The following WFIKKN2 variants were observed in gnomAD, a reference collection of about 807,000 sequenced individuals.
The protein encoded by WFIKKN2 is WAP, Kazal, immunoglobulin, Kunitz and NTR domain-containing protein 2.
WFIKKN2 carries 25 observed loss-of-function variants against 39.2 expected under a neutral mutation model. The observed-to-expected ratio is 0.64, with a 90% CI of 0.47 to 0.89. WFIKKN2 has a LOEUF of 0.89. Ranked by LOEUF, WFIKKN2 falls within the 40% of genes least tolerant of loss-of-function variation. The probability of loss-of-function intolerance (pLI) is 0.00; values close to 1 mark genes in which losing one functional copy is unlikely to be tolerated. For missense variants in WFIKKN2, 770 were observed against 811.7 expected (o/e 0.95, Z 0.62); for synonymous variants, 345 against 329.7 (o/e 1.05, Z -0.50).
Position 50,840,917 on chromosome 17 carries a change from T to C in WFIKKN2, c.1629T>C (p.Asp543=), listed in dbSNP as rs1972036740. The C allele has an allele frequency of 6.2e-7, 1 of 1,605,434 alleles. No homozygotes were observed. The highest frequency in any genetic ancestry group is 2.2e-5 in the East Asian group (1 of 44,600). The change falls in exon 2 of 2, where the codon GAT becomes GAC. Residue 543 remains aspartate (D), a synonymous_variant. Transcript: ENST00000311378. The part of the protein sequence containing the change: ...VDGGMAMLRP[D]SFVGASSARR... ...GCGGCATGGCCATGCTGCGCCCCGATAGCTTTGTGGGCGCATCGAGTGCCC... is the reference window on the plus strand; with the variant it reads ...GCGGCATGGCCATGCTGCGCCCCGACAGCTTTGTGGGCGCATCGAGTGCCC...
chr17:50,838,899 T>C (rs1971993225), intron 1 of WFIKKN2, among the ~76,000 whole-genome samples: 1 of 152,162 alleles, frequency 6.6e-6, no homozygotes, highest in South Asian at 2.1e-4. Context: ...GGCATTCCCC[T>C]CTTAACCTCT....
intron 1 of WFIKKN2, 50 bp downstream of exon 1, chr17:50,836,197 CGG>C (rs1472489150): frequency 6.3e-7 from 1 of 1,589,282 alleles, no homozygotes; most frequent in East Asian, 2.3e-5. Flanking sequence ...CTGTGAGTGA[CGG>C]GGGTGGGAGC....
At chr17:50,838,754 C>T (rs140257784) in intron 1 of WFIKKN2, among the ~76,000 whole-genome samples, 13 of 152,276 alleles carry the variant, frequency 8.5e-5, no homozygotes, top group South Asian at 2.1e-4. Flanking sequence ...TGAGACCTGG[C>T]GTGTGGGGCC....
chr17:50,835,645 C>T lies in WFIKKN2; in HGVS notation c.-293C>T, dbSNP rs548117035. The stretch of plus-strand genomic sequence containing the variant: ...GGTTAGCTGGCTCCCACTCGGGTGG[C>T]GCGCCCAGGATATAAATCCGGGCGC... On this transcript the variant is annotated 5_prime_UTR_variant, in exon 1 of 2. Transcript: ENST00000311378. 6 of 425,504 alleles carry T rather than the reference C, an allele frequency of 1.4e-5. No homozygotes were observed. The highest frequency in any genetic ancestry group is 9.6e-5 in the South Asian group (2 of 20,880). 26.4% of individuals were successfully genotyped at this position (425,504 alleles called of 1,614,324 possible).
intron 1 of WFIKKN2, among the ~76,000 whole-genome samples, chr17:50,836,844 T>G (rs759674853): frequency 6.6e-6 from 1 of 151,962 alleles, no homozygotes; most frequent in Admixed American, 6.5e-5. Context: ...CTGTGAGTGA[T>G]GGGGGTGGGA....
chr17:50,838,496 G>A (rs1971987776), intron 1 of WFIKKN2, among the ~76,000 whole-genome samples: 1 of 152,210 alleles, frequency 6.6e-6, no homozygotes, highest in East Asian at 1.9e-4. Flanking sequence ...TGGGTACGAT[G>A]TGTTATTGTC....
chr17:50,840,024 C>A lies in WFIKKN2; in HGVS notation c.736C>A (p.Gln246Lys). ...RPRPEITWEK[Q>K]LEDRENVVMR... ...CCGGCCTGAGATCACCTGGGAGAAG[C>A]AGTTGGAGGATCGGGAGAATGTGGT... is the stretch of plus-strand genomic sequence containing the variant. Residue 246 changes from glutamine (Q) to lysine (K), a missense_variant, in exon 2 of 2, where the codon CAG (glutamine) becomes AAG (lysine). Transcript: ENST00000311378. 6.2e-7 allele frequency: 1 copy of A among 1,614,266 alleles called. No individual in the cohort carries two copies. The highest frequency in any genetic ancestry group is 8.5e-7 in the Non-Finnish European group (1 of 1,180,052).
At chr17:50,835,275 C>G (rs898742722), upstream of WFIKKN2, 1 of 152,292 alleles carries the variant, frequency 6.6e-6, no homozygotes, top group African/African-American at 2.4e-5. Context: ...GATGCTAACC[C>G]GGTGGCTGCA....
chr17:50,838,050 G>A (rs950810276), intron 1 of WFIKKN2, among the ~76,000 whole-genome samples: 1 of 152,136 alleles, frequency 6.6e-6, no homozygotes, highest in African/African-American at 2.4e-5. Context: ...GGTGCCCAAG[G>A]ACCCAGGCTT....
In WFIKKN2 at chr17:50,835,845, G is replaced by T; in HGVS notation, c.-93G>T. 1 of 1,371,348 alleles carries T rather than the reference G, an allele frequency of 7.3e-7. No homozygotes were observed. The highest frequency in any genetic ancestry group is 2.4e-5 in the East Asian group (1 of 41,316). The allele number at this position is 1,371,348 out of a possible 1,614,324, so 84.9% of individuals were successfully genotyped here. ...CAGGAAACCTGCTGGGGTGGGGAGG[G>T]CAGGTGTCTGCAGCCCCTGAGAAGA... On this transcript the variant is annotated 5_prime_UTR_variant, in exon 1 of 2. Coordinates refer to ENST00000311378, the MANE Select transcript of WFIKKN2 (RefSeq NM_175575.6).
Position 50,840,777 on chromosome 17 carries a change from A to G in WFIKKN2, c.1489A>G (p.Lys497Glu), listed in dbSNP as rs765004822. The change falls in exon 2 of 2, where the codon AAG becomes GAG. Residue 497 changes from lysine (K) to glutamate (E), a missense_variant. By Grantham distance (56) the Lys-to-Glu change is moderately conservative. Coordinates refer to ENST00000311378, the MANE Select transcript of WFIKKN2 (RefSeq NM_175575.6). ...EVLKDEKMGLKFLGQEPLEVT... is the reference protein window; with the variant it reads ...EVLKDEKMGLEFLGQEPLEVT... Reference sequence around the variant, plus strand: ...CCTAAAGGATGAGAAAATGGGCCTCAAGTTCCTGGGCCAGGAGCCATTGGA... The same window carrying G: ...CCTAAAGGATGAGAAAATGGGCCTCGAGTTCCTGGGCCAGGAGCCATTGGA... The G allele has an allele frequency of 6.2e-7, 1 of 1,614,066 alleles. No individual in the cohort carries two copies. The highest frequency in any genetic ancestry group is 2.2e-5 in the East Asian group (1 of 44,874).
Position 50,835,848 on chromosome 17 carries a change from G to C in WFIKKN2, c.-90G>C. ...GAAACCTGCTGGGGTGGGGAGGGCA[G>C]GTGTCTGCAGCCCCTGAGAAGAAGG... On this transcript the variant is annotated 5_prime_UTR_variant, in exon 1 of 2. Transcript: ENST00000311378. The C allele has an allele frequency of 1.4e-6, 2 of 1,407,296 alleles. No individual in the cohort carries two copies. Among genetic ancestry groups the C allele is most frequent in the Non-Finnish European group, 1.9e-6 (2 of 1,045,124 alleles). 87.2% of individuals were successfully genotyped at this position (1,407,296 alleles called of 1,614,324 possible).
chr17:50,836,004 C>A lies in WFIKKN2; in HGVS notation c.67C>A (p.Leu23Met). 6.2e-7 allele frequency: 1 copy of A among 1,604,680 alleles called. No individual in the cohort carries two copies. ...GCAGGTGGCAGCGCTGCTGCTGCTG[C>A]TGCTACTGCTCGGGGTGCCCCCGCG... ...WEQVAALLLL[L>M]LLLGVPPRSL... The change falls in exon 1 of 2, where the codon CTG (leucine) becomes ATG (methionine). Residue 23 changes from leucine (L) to methionine (M), a missense_variant. Coordinates refer to ENST00000311378, the MANE Select transcript of WFIKKN2 (RefSeq NM_175575.6).
At position 50,836,028 on chromosome 17, in the gene WFIKKN2, C is replaced by T. The variant is rs1426584085; in HGVS notation, c.91C>T (p.Arg31Ter). 38 of 1,600,414 alleles carry T rather than the reference C, an allele frequency of 2.4e-5. No homozygotes were observed. Among genetic ancestry groups the T allele is most frequent in the Non-Finnish European group, 2.9e-5 (34 of 1,173,944 alleles). The change falls in exon 1 of 2, where the codon CGA (arginine) becomes TGA (stop). Residue 31 changes from arginine to a stop codon, truncating the protein, a stop_gained. Transcript: ENST00000311378. LOFTEE classifies it high-confidence loss of function. The part of the protein sequence containing the change: ...LLLLLLGVPP[R>*]SLALPPIRYS... ...GCTGCTACTGCTCGGGGTGCCCCCG[C>T]GAAGCCTGGCGCTGCCGCCCATCCG...
Position 50,839,927 on chromosome 17 carries a change from C to T in WFIKKN2, c.639C>T (p.Leu213=), listed in dbSNP as rs775104912. 1.9e-6 allele frequency: 3 copies of T among 1,614,202 alleles called. No homozygotes were observed. The highest frequency in any genetic ancestry group is 2.2e-5 in the South Asian group (2 of 91,082). ...TGGACATGGCGGCCCCTGCGCTGCTCAACAACCCTGTGCACCAGTCGGTCA... is the reference window on the plus strand; with the variant it reads ...TGGACATGGCGGCCCCTGCGCTGCTTAACAACCCTGTGCACCAGTCGGTCA... ...PELDMAAPAL[L]NNPVHQSVTM... The change falls in exon 2 of 2, where the codon CTC becomes CTT. Residue 213 remains leucine (L), a synonymous_variant. Coordinates refer to ENST00000311378, the MANE Select transcript of WFIKKN2 (RefSeq NM_175575.6).
rs1445374396 is a variant in WFIKKN2, at chr17:50,841,732, T to C, written c.*713T>C. 1 of 152,160 alleles carries C rather than the reference T, an allele frequency of 6.6e-6. No individual in the cohort carries two copies. Among genetic ancestry groups the C allele is most frequent in the African/African-American group, 2.4e-5 (1 of 41,400 alleles). The allele number at this position is 152,160 out of a possible 1,614,324, so 9.4% of individuals were successfully genotyped here. ...CAGTGGATGTTCTCTGAATGCTTACTGGGTGCCAGGACCACAGAGAGATGT... is the reference window on the plus strand; with the variant it reads ...CAGTGGATGTTCTCTGAATGCTTACCGGGTGCCAGGACCACAGAGAGATGT... On this transcript the variant is annotated 3_prime_UTR_variant, in exon 2 of 2. Transcript: ENST00000311378.
Position 50,840,251 on chromosome 17 carries a change from G to C in WFIKKN2, c.963G>C (p.Thr321=), listed in dbSNP as rs553573836. 1.9e-6 allele frequency: 3 copies of C among 1,613,952 alleles called. No homozygotes were observed. The highest frequency in any genetic ancestry group is 1.7e-6 in the Non-Finnish European group (2 of 1,179,942). The change falls in exon 2 of 2, where the codon ACG becomes ACC. Residue 321 remains threonine (T), a synonymous_variant. Coordinates refer to ENST00000311378, the MANE Select transcript of WFIKKN2 (RefSeq NM_175575.6). ...CCTCAGAGAGCAGCCCCAATGGCAC[G>C]GCTTTCCCGGCGGCCGAGTGCCTGA... ...AATSESSPNG[T]AFPAAECLKP... is the part of the protein sequence containing the mutation.
At chr17:50,839,241 A>G (rs1971997772) in intron 1 of WFIKKN2, among the ~76,000 whole-genome samples, 1 of 152,196 alleles carries the variant, frequency 6.6e-6, no homozygotes, top group East Asian at 1.9e-4. Flanking sequence ...CTCAGTCATC[A>G]TCTGTGGAGT....
At position 50,840,027 on chromosome 17, in the gene WFIKKN2, T is replaced by C. The variant is rs374081258; in HGVS notation, c.739T>C (p.Leu247=). 2 of 1,614,052 alleles carry C rather than the reference T, an allele frequency of 1.2e-6. No homozygotes were observed. Among genetic ancestry groups the C allele is most frequent in the Non-Finnish European group, 1.7e-6 (2 of 1,180,028 alleles). The part of the protein sequence containing the change: ...PRPEITWEKQ[L]EDRENVVMRP... ...GCCTGAGATCACCTGGGAGAAGCAGTTGGAGGATCGGGAGAATGTGGTCAT... is the reference window on the plus strand; with the variant it reads ...GCCTGAGATCACCTGGGAGAAGCAGCTGGAGGATCGGGAGAATGTGGTCAT... The change falls in exon 2 of 2, where the codon TTG becomes CTG. Residue 247 remains leucine, a synonymous_variant. Coordinates refer to ENST00000311378, the MANE Select transcript of WFIKKN2 (RefSeq NM_175575.6).
Sources: gnomAD v4.1 joint callset for allele counts (sites outside exome capture counted in the v4.1 genomes callset) on GRCh38, gnomAD v4.1.1 for gene constraint, MANE v1.5 for transcripts, NCBI Gene and HGNC (gene_info 2026-07-23, HGNC 2026-07-21) for gene names.